Variants in FKBP1A observed in about 807,000 individuals in gnomAD.
FKBP1A encodes the protein peptidyl-prolyl cis-trans isomerase FKBP1A.
In FKBP1A, 5 loss-of-function variants were observed where a neutral mutation model predicts 14.2. The observed-to-expected ratio is 0.35, with a 90% CI of 0.18 to 0.74. The LOEUF is 0.74. Among genes scored for constraint, FKBP1A ranks in the 30% least tolerant of loss-of-function variants. The pLI is 0.56. For missense variants in FKBP1A, 53 were observed against 138.8 expected, an observed-to-expected ratio of 0.38 and a Z score of 3.10; for synonymous variants, 42 against 49.1, an observed-to-expected ratio of 0.86 and a Z score of 0.60.
chr20:1,391,536 C>T (rs1429617698), intron 2 of FKBP1A: 2 of 396,538 alleles, frequency 5.0e-6, no homozygotes, highest in Non-Finnish European at 8.9e-6. Context: ...CTACCTCCTG[C>T]CCCCATTTCT....
intron 2 of FKBP1A, among the ~76,000 whole-genome samples, chr20:1,381,434 C>A (rs1228184673): frequency 6.6e-6 from 1 of 152,166 alleles, no homozygotes; most frequent in Non-Finnish European, 1.5e-5. Context: ...AGACTGACCA[C>A]GTCAGGTGTT....
Position 1,386,663 on chromosome 20 carries a change from G to A in FKBP1A, c.85+6171C>T, listed in dbSNP as rs182450272. ...CAGTGGGGAGTGGGGGCAGTGTGGT[G>A]GCACCTAAGCAAAGGGGCAGAGACC... On this transcript the variant is annotated intron_variant, in intron 2 of 4. Transcript: ENST00000400137. This position sits in a 1 kb window ranked among gnomAD's most constrained non-coding sequence, Gnocchi z 4.7. 3.3e-5 allele frequency among the ~76,000 whole-genome samples: 5 copies of A among 152,334 alleles called. No individual in the cohort carries two copies. In the East Asian group the frequency reaches 9.6e-4, roughly 29 times the overall value.
At chr20:1,389,614 G>A (rs1317082734) in intron 2 of FKBP1A, among the ~76,000 whole-genome samples, 1 of 152,164 alleles carries the variant, frequency 6.6e-6, no homozygotes, top group African/African-American at 2.4e-5. Context: ...AAACCGGGAG[G>A]CTATACCTGA....
rs557778792 is a variant in FKBP1A at position 1,392,060 on chromosome 20, T to G, written c.85+774A>C. 2.6e-3 allele frequency among the ~76,000 whole-genome samples: 394 copies of G among 152,316 alleles called. 3 individuals carry two copies. The highest frequency in any genetic ancestry group is 9.1e-3 in the African/African-American group (377 of 41,560). ...GTCTAAAATTTCCTTTGGCTTGTAT[T>G]ATCACTATGTATTAGCCTCCAGATG... On this transcript the variant is annotated intron_variant, in intron 2 of 4. Coordinates refer to ENST00000400137, the MANE Select transcript of FKBP1A (RefSeq NM_000801.5).
intron 2 of FKBP1A, chr20:1,378,322 G>A (rs931818797): frequency 1.4e-4 from 22 of 152,688 alleles, no homozygotes; most frequent in African/African-American, 5.3e-4. Context: ...AGTGTGCTTT[G>A]AAGGTAAATC....
intron 3 of FKBP1A, among the ~76,000 whole-genome samples, chr20:1,373,995 G>A (rs976633234): frequency 4.6e-5 from 7 of 152,224 alleles, no homozygotes; most frequent in African/African-American, 1.7e-4. Flanking sequence ...TGAAAGTTGA[G>A]CAGTTTATTT....
chr20:1,383,491 CA>C (rs2089638185), intron 2 of FKBP1A, among the ~76,000 whole-genome samples: 1 of 151,888 alleles, frequency 6.6e-6, no homozygotes, highest in Non-Finnish European at 1.5e-5. Flanking sequence ...TTTCAACACG[CA>C]GGTGAGTTTC....
chr20:1,381,989 G>A (rs1321638868), intron 2 of FKBP1A, among the ~76,000 whole-genome samples: 4 of 152,194 alleles, frequency 2.6e-5, no homozygotes, highest in African/African-American at 9.7e-5. Context: ...AAAATGTGCA[G>A]TATATTGGAT....
intron 3 of FKBP1A, among the ~76,000 whole-genome samples, chr20:1,373,417 A>C (rs1472954208): frequency 6.6e-6 from 1 of 152,186 alleles, no homozygotes; most frequent in African/African-American, 2.4e-5. Context: ...GGCAGGCAGG[A>C]CTCCACGCCT....
intron 2 of FKBP1A, among the ~76,000 whole-genome samples, chr20:1,382,793 A>C (rs2089630908): frequency 6.6e-6 from 1 of 152,244 alleles, no homozygotes; most frequent in Admixed American, 6.5e-5. Context: ...AGCCAAAGCT[A>C]TGACTGACTG....
At chr20:1,389,317 A>G (rs911005688) in intron 2 of FKBP1A, among the ~76,000 whole-genome samples, 1 of 152,220 alleles carries the variant, frequency 6.6e-6, no homozygotes, top group Non-Finnish European at 1.5e-5. Flanking sequence ...CCTGCCCAAC[A>G]GTTACAGCCT....
At chr20:1,370,711 T>G in intron 4 of FKBP1A, 1 of 985,412 alleles carries the variant, frequency 1.0e-6, no homozygotes, top group Non-Finnish European at 1.2e-6. Context: ...CGGGGTGACT[T>G]GTAGCCTTTA....
At chr20:1,382,592 T>C (rs1328027694) in intron 2 of FKBP1A, among the ~76,000 whole-genome samples, 4 of 152,212 alleles carry the variant, frequency 2.6e-5, no homozygotes, top group Non-Finnish European at 5.9e-5. Flanking sequence ...GGATTTGCTT[T>C]ACTTGCATGA....
At chr20:1,391,979 G>C (rs2089743145) in intron 2 of FKBP1A, among the ~76,000 whole-genome samples, 1 of 151,740 alleles carries the variant, frequency 6.6e-6, no homozygotes. Flanking sequence ...GAAGGAGTAA[G>C]ACAGCCCCAA....
intron 1 of FKBP1A, 32 bp downstream of exon 1, chr20:1,392,930 G>A (rs2089759418): frequency 2.0e-6 from 3 of 1,488,974 alleles, no homozygotes; most frequent in South Asian, 1.3e-5. Flanking sequence ...CGGCGGCAGA[G>A]GTACTCCGAG....
intron 2 of FKBP1A, among the ~76,000 whole-genome samples, 199 bp downstream of exon 2, chr20:1,392,635 C>T (rs1479976298): frequency 6.6e-6 from 1 of 152,094 alleles, no homozygotes; most frequent in East Asian, 1.9e-4. Context: ...CGCTCACAGC[C>T]GCCGATTCAG....
intron 4 of FKBP1A, 142 bp downstream of exon 4, chr20:1,371,933 GA>G: frequency 7.0e-7 from 1 of 1,432,676 alleles, no homozygotes; most frequent in Non-Finnish European, 9.1e-7. Flanking sequence ...TAATAACACT[GA>G]AAGGATACTC....
intron 3 of FKBP1A, chr20:1,374,629 C>A (rs891702756): frequency 2.0e-5 from 3 of 152,116 alleles, no homozygotes; most frequent in African/African-American, 7.2e-5. Flanking sequence ...GCTTTTGAGC[C>A]CCTCATCCCA....
In FKBP1A at chr20:1,369,611, T is replaced by A. The variant is rs542491861; in HGVS notation, c.*498A>T. ...TCTCTCAACTTGGAGAGTAATTCAG[T>A]CCTCAACAGCGCCTCAAATCTGCTA... On this transcript the variant is annotated 3_prime_UTR_variant, in exon 5 of 5. Transcript: ENST00000400137. The A allele has an allele frequency of 5.9e-6, 1 of 168,572 alleles. No homozygotes were observed. Among genetic ancestry groups the A allele is most frequent in the East Asian group, 1.9e-4 (1 of 5,240 alleles). The allele number at this position is 168,572 out of a possible 1,614,324, so 10.4% of individuals were successfully genotyped here. A position where few individuals can be genotyped will look rare whatever the true frequency, so the allele number is the denominator to read the frequency against.
Sources: gnomAD v4.1 joint callset for allele counts (sites outside exome capture counted in the v4.1 genomes callset) on GRCh38, gnomAD v4.1.1 for gene constraint, Gnocchi (gnomAD v3.1) non-coding constraint, MANE v1.5 for transcripts, NCBI Gene and HGNC (gene_info 2026-07-23, HGNC 2026-07-21) for gene names.